The following WWC2 variants were observed in gnomAD, a reference collection of about 807,000 sequenced individuals.
WWC2 encodes the protein WW and C2 domain containing 2.
A neutral mutation model predicts 138.5 loss-of-function variants in WWC2; 101 were observed. The ratio of observed to expected loss-of-function variants is 0.73; its 90% CI spans 0.62 to 0.86. WWC2 has a LOEUF of 0.86. Ranked by LOEUF, WWC2 falls within the 40% of genes least tolerant of loss-of-function variation. The pLI is 0.00. For synonymous variants in WWC2, 558 were observed against 538.4 expected (o/e 1.04, Z -0.50); for missense variants, 1,420 against 1,419.4 (o/e 1.00, Z -0.01).
At chr4:183,222,192 G>A (rs1560851036) in intron 4 of WWC2, among the ~76,000 whole-genome samples, 1 of 152,020 alleles carries the variant, frequency 6.6e-6, no homozygotes, top group Non-Finnish European at 1.5e-5. Flanking sequence ...GGTGGTACAT[G>A]ATTATATATA....
chr4:183,251,051 A>G (rs1342241422), intron 8 of WWC2, among the ~76,000 whole-genome samples: 4 of 152,242 alleles, frequency 2.6e-5, no homozygotes, highest in Non-Finnish European at 5.9e-5. Flanking sequence ...ATTATTAACC[A>G]TGTGAGCTTG....
chr4:183,219,004 A>C (rs1735845442), intron 4 of WWC2, among the ~76,000 whole-genome samples: 1 of 152,240 alleles, frequency 6.6e-6, no homozygotes, highest in Non-Finnish European at 1.5e-5. Context: ...CAATATTATT[A>C]AGCTTTAAAA....
chr4:183,187,684 A>T (rs1043502175), intron 1 of WWC2, among the ~76,000 whole-genome samples: 102 of 151,794 alleles, frequency 6.7e-4, no homozygotes, highest in African/African-American at 2.3e-3. Context: ...CAGCCTGACC[A>T]ACACGGAGAA....
intron 1 of WWC2, among the ~76,000 whole-genome samples, chr4:183,111,476 A>G (rs1254291930): frequency 6.6e-6 from 1 of 152,156 alleles, no homozygotes; most frequent in Non-Finnish European, 1.5e-5. Flanking sequence ...ATAGAGATAC[A>G]TTAGAATTCC....
intron 1 of WWC2, among the ~76,000 whole-genome samples, chr4:183,132,055 T>C (rs72695775): frequency 0.042 from 6,445 of 152,278 alleles, 167 homozygotes; most frequent in African/African-American, 0.069. Context: ...TTTATTTATT[T>C]CTTTTGCCAA....
rs150866753 is a variant in WWC2, at chr4:183,138,704, T to C, written c.131+39082T>C. Among the ~76,000 whole-genome samples the C allele has an allele frequency of 3.8e-3, 579 of 152,284 alleles. 3 individuals are homozygous for C. Among genetic ancestry groups the C allele is most frequent in the African/African-American group, 0.013 (544 of 41,554 alleles). ...AGTCTCCTTTAGGGCCCCATTTCCTTTTCTGGCTACTGCTTTCCTTCAGTT... is the reference window on the plus strand; with the variant it reads ...AGTCTCCTTTAGGGCCCCATTTCCTCTTCTGGCTACTGCTTTCCTTCAGTT... On this transcript the variant is annotated intron_variant, in intron 1 of 22. Transcript: ENST00000403733.
Position 183,261,252 on chromosome 4 carries a change from G to A in WWC2, c.1629G>A (p.Val543=). The part of the protein sequence containing the change: ...TPPLAEAPKS[V]ASLSSRSSLS... The stretch of plus-strand genomic sequence containing the variant: ...CACTGGCTGAGGCCCCGAAGTCTGT[G>A]GCCTCCCTGTCCTCGAGGTCCTCCC... Residue 543 remains valine (V), a synonymous_variant, in exon 11 of 23, where the codon GTG becomes GTA. Coordinates refer to ENST00000403733, the MANE Select transcript of WWC2 (RefSeq NM_024949.6). 1 of 1,613,076 alleles carries A rather than the reference G, an allele frequency of 6.2e-7. No individual in the cohort carries two copies. Among genetic ancestry groups the A allele is most frequent in the Non-Finnish European group, 8.5e-7 (1 of 1,179,562 alleles).
intron 4 of WWC2, among the ~76,000 whole-genome samples, chr4:183,236,377 C>T (rs1736425408): frequency 6.6e-6 from 1 of 151,906 alleles, no homozygotes; most frequent in South Asian, 2.1e-4. Context: ...TCCAGGGGTG[C>T]CTTGTGGTCA....
chr4:183,193,627 T>G lies in WWC2; in HGVS notation c.160T>G (p.Cys54Gly), dbSNP rs1735052728. Residue 54 changes from cysteine (C) to glycine (G), a missense_variant, in exon 2 of 23, where the codon TGT (cysteine) becomes GGT (glycine). Transcript: ENST00000403733. ...RLTKPLSFAD[C>G]VGDELPWGWE... ...AACGAAGCCCTTGTCATTTGCTGATTGTGTTGGGGATGAGCTGCCGTGGGG... is the reference window on the plus strand; with the variant it reads ...AACGAAGCCCTTGTCATTTGCTGATGGTGTTGGGGATGAGCTGCCGTGGGG... 1 of 1,613,828 alleles carries G rather than the reference T, an allele frequency of 6.2e-7. No homozygotes were observed. Among genetic ancestry groups the G allele is most frequent in the African/African-American group, 1.3e-5 (1 of 74,900 alleles).
Position 183,315,833 on chromosome 4 carries a change from C to T in WWC2, c.*104C>T, listed in dbSNP as rs990733078. ...TTTGGTGTTTGGTTTTTTTTGGTAA[C>T]GTAACTGTCAACTCTTGAAGAACTT... is the stretch of plus-strand genomic sequence containing the variant. On this transcript the variant is annotated 3_prime_UTR_variant, in exon 23 of 23. Transcript: ENST00000403733. 38 of 820,194 alleles carry T rather than the reference C, an allele frequency of 4.6e-5. No individual in the cohort carries two copies. Among genetic ancestry groups the T allele is most frequent in the Middle Eastern group, 2.3e-4 (1 of 4,286 alleles). The allele number at this position is 820,194 out of a possible 1,614,324, so 50.8% of individuals were successfully genotyped here.
chr4:183,134,827 AACTAC>A (rs1159853586), intron 1 of WWC2, among the ~76,000 whole-genome samples: 2 of 152,164 alleles, frequency 1.3e-5, no homozygotes, highest in African/African-American at 4.8e-5. Context: ...TTATTAATAT[AACTAC>A]ACTAACTTTT....
chr4:183,309,301 A>G (rs1373917459), intron 21 of WWC2, among the ~76,000 whole-genome samples: 1 of 152,222 alleles, frequency 6.6e-6, no homozygotes, highest in Non-Finnish European at 1.5e-5. Context: ...AGAGGAAACA[A>G]GCCACACGTT....
In WWC2 at chr4:183,119,899, C is replaced by A. The variant is rs138527688; in HGVS notation, c.131+20277C>A. On this transcript the variant is annotated intron_variant, in intron 1 of 22. Coordinates refer to ENST00000403733, the MANE Select transcript of WWC2 (RefSeq NM_024949.6). ...GTGGTCAGCCTTTAACCCCTGAGTT[C>A]TTTACTCTGATATACATCCATAGTG... Among the ~76,000 whole-genome samples, 776 of 152,214 alleles carry A rather than the reference C, an allele frequency of 5.1e-3. 12 individuals carry two copies. The highest frequency in any genetic ancestry group is 0.017 in the African/African-American group (725 of 41,550).
At chr4:183,195,871 T>C (rs1382845040) in intron 2 of WWC2, among the ~76,000 whole-genome samples, 1 of 152,138 alleles carries the variant, frequency 6.6e-6, no homozygotes, top group African/African-American at 2.4e-5. Flanking sequence ...CGATGTAGTT[T>C]GGATATTTGT....
chr4:183,161,952 G>C (rs1199072658), intron 1 of WWC2, among the ~76,000 whole-genome samples: 1 of 152,176 alleles, frequency 6.6e-6, no homozygotes, highest in Non-Finnish European at 1.5e-5. Flanking sequence ...AACGTAGTGA[G>C]GGCAGATTTT....
intron 21 of WWC2, among the ~76,000 whole-genome samples, chr4:183,294,353 A>T (rs1313272797): frequency 6.6e-6 from 1 of 152,218 alleles, no homozygotes; most frequent in East Asian, 1.9e-4. Context: ...GTACTTTGGA[A>T]AAGAATAACA....
At chr4:183,288,075 G>GT (rs1310227226) in intron 20 of WWC2, among the ~76,000 whole-genome samples, 1 of 152,214 alleles carries the variant, frequency 6.6e-6, no homozygotes, top group African/African-American at 2.4e-5. Context: ...AAGATAATGT[G>GT]TGTCTAGATG....
intron 1 of WWC2, among the ~76,000 whole-genome samples, chr4:183,131,941 A>G (rs1340696496): frequency 6.6e-6 from 1 of 152,172 alleles, no homozygotes; most frequent in Non-Finnish European, 1.5e-5. Context: ...GCCTTTTCAC[A>G]CTGAGCAGCT....
chr4:183,242,929 A>T (rs1736665903), intron 5 of WWC2, among the ~76,000 whole-genome samples: 1 of 152,216 alleles, frequency 6.6e-6, no homozygotes, highest in South Asian at 2.1e-4. Flanking sequence ...GAAAAACAAG[A>T]AACAGTGAAA....
Sources: allele counts gnomAD v4.1 joint callset (sites outside exome capture counted in the v4.1 genomes callset), GRCh38; gene constraint gnomAD v4.1.1; transcripts MANE v1.5; gene names NCBI Gene and HGNC (gene_info 2026-07-23, HGNC 2026-07-21).